The following CUX1 variants were observed in gnomAD, a reference collection of about 807,000 sequenced individuals.
CUX1 encodes protein CASP.
A neutral mutation model predicts 158.8 loss-of-function variants in CUX1; 31 were observed. The observed-to-expected ratio is 0.20, with a 90% CI of 0.15 to 0.26. The LOEUF is 0.26. Among genes scored for constraint, CUX1 ranks in the 10% least tolerant of loss-of-function variants. The probability of loss-of-function intolerance (pLI) is 1.00; values close to 1 mark genes in which losing one functional copy is unlikely to be tolerated. For missense variants in CUX1, 1,589 were observed against 2,014.6 expected (o/e 0.79, Z 4.04); for synonymous variants, 879 against 862.1 (o/e 1.02, Z -0.34).
At chr7:101,961,210 T>TGG (rs1810446115) in intron 2 of CUX1, 3 of 152,176 alleles carry the variant, frequency 2.0e-5, no homozygotes, top group Non-Finnish European at 4.4e-5. Flanking sequence ...AGAGATTCCA[T>TGG]CTGTGTGTCC....
chr7:102,177,431 A>G (rs1262145968), intron 10 of CUX1, among the ~76,000 whole-genome samples: 1 of 149,534 alleles, frequency 6.7e-6, no homozygotes, highest in Non-Finnish European at 1.5e-5. Context: ...AAAAAAAAAG[A>G]AAAGAAAAAG....
chr7:102,009,253 C>T (rs1817718521), intron 2 of CUX1, among the ~76,000 whole-genome samples: 2 of 152,178 alleles, frequency 1.3e-5, no homozygotes, highest in Non-Finnish European at 2.9e-5. Flanking sequence ...TGTTTGGAAG[C>T]ATCTAGAAGC....
chr7:101,947,302 G>A (rs1386188708), intron 2 of CUX1, among the ~76,000 whole-genome samples: 1 of 152,188 alleles, frequency 6.6e-6, no homozygotes, highest in Non-Finnish European at 1.5e-5. Flanking sequence ...GCTGAGGCAG[G>A]AGGATTGCTT....
chr7:102,104,465 C>G lies in CUX1; in HGVS notation c.530+6C>G. 6.2e-7 allele frequency: 1 copy of G among 1,612,442 alleles called. No individual in the cohort carries two copies. The highest frequency in any genetic ancestry group is 8.5e-7 in the Non-Finnish European group (1 of 1,179,436). ...GACTTTGCAGAAAAGGAGAGGTGAGCATGACTTCCAGGCACACACAGACTG... is the reference window on the plus strand; with the variant it reads ...GACTTTGCAGAAAAGGAGAGGTGAGGATGACTTCCAGGCACACACAGACTG... On this transcript the variant is annotated splice_donor_region_variant and intron_variant, in intron 6 of 23. Coordinates refer to ENST00000292535, the MANE Select transcript of CUX1 (RefSeq NM_181552.4).
At chr7:102,112,432 G>A (rs1305612212) in intron 7 of CUX1, among the ~76,000 whole-genome samples, 1 of 151,950 alleles carries the variant, frequency 6.6e-6, no homozygotes, top group East Asian at 1.9e-4. Flanking sequence ...TAGTAGAGAC[G>A]AGGTTTCATC....
At chr7:102,097,590 C>A in intron 5 of CUX1, 89 bp downstream of exon 5, 2 of 1,351,464 alleles carry the variant, frequency 1.5e-6, no homozygotes, top group Non-Finnish European at 2.0e-6. Flanking sequence ...ACTTTTGAGA[C>A]CAGCTCTCCT....
chr7:102,104,586 A>G (rs1830140853), intron 6 of CUX1, 127 bp downstream of exon 6: 2 of 1,245,106 alleles, frequency 1.6e-6, no homozygotes, highest in South Asian at 1.4e-5. Flanking sequence ...TATAAGGGGT[A>G]AAATGTTTCA....
At position 102,250,493 on chromosome 7, in the gene CUX1, G is replaced by A. The variant is rs1395750560; in HGVS notation, c.*1451G>A. The A allele has an allele frequency of 6.1e-6, 6 of 985,346 alleles. No homozygotes were observed. Among genetic ancestry groups the A allele is most frequent in the Non-Finnish European group, 7.2e-6 (6 of 829,992 alleles). 61.0% of individuals were successfully genotyped at this position (985,346 alleles called of 1,614,324 possible). A position where few individuals can be genotyped will look rare whatever the true frequency, so the allele number is the denominator to read the frequency against. On this transcript the variant is annotated 3_prime_UTR_variant, in exon 24 of 24. Transcript: ENST00000292535. ...CTTTCCCTTTTTCTTCCCACCGCAAGCACTGATGACCCTGTTGAACTCGTG... is the reference window on the plus strand; with the variant it reads ...CTTTCCCTTTTTCTTCCCACCGCAAACACTGATGACCCTGTTGAACTCGTG...
rs535433695 is a variant in CUX1, at chr7:102,251,232, CTTTT to C, written c.*2197_*2200del. On this transcript the variant is annotated 3_prime_UTR_variant, in exon 24 of 24. Transcript: ENST00000292535. ...TATTTCTTAAGTTTAATTAATATTA[CTTTT>C]TTTTTTATTTGGGGGGTGGGAGGGA... 12 of 717,444 alleles carry C rather than the reference CTTTT, an allele frequency of 1.7e-5. No homozygotes were observed. Among genetic ancestry groups the C allele is most frequent in the African/African-American group, 5.0e-5 (2 of 40,348 alleles). The allele number at this position is 717,444 out of a possible 1,614,324, so 44.4% of individuals were successfully genotyped here.
chr7:102,118,535 T>TA (rs1230902208), intron 8 of CUX1, among the ~76,000 whole-genome samples: 18 of 150,540 alleles, frequency 1.2e-4, no homozygotes, highest in East Asian at 3.9e-4. Context: ...AGACCCTGTC[T>TA]AAAAAAAAAG....
At chr7:101,983,390 T>C (rs577098382) in intron 2 of CUX1, among the ~76,000 whole-genome samples, 11 of 152,136 alleles carry the variant, frequency 7.2e-5, no homozygotes, top group African/African-American at 2.6e-4. Context: ...CACCAGTGGT[T>C]CCTCCCTCGG....
chr7:101,844,262 G>C (rs1381585426), intron 1 of CUX1, among the ~76,000 whole-genome samples: 1 of 132,962 alleles, frequency 7.5e-6, no homozygotes, highest in Non-Finnish European at 1.5e-5. Flanking sequence ...CGTTGTCCAC[G>C]GGAATAAAGT....
chr7:101,889,940 TA>T (rs1200551815), intron 1 of CUX1, among the ~76,000 whole-genome samples: 1 of 152,200 alleles, frequency 6.6e-6, no homozygotes, highest in East Asian at 1.9e-4. Flanking sequence ...GTTTTCTGGA[TA>T]ACTAAGCTTT....
intron 1 of CUX1, among the ~76,000 whole-genome samples, chr7:101,823,728 A>G (rs1245499718): frequency 6.6e-6 from 1 of 152,254 alleles, no homozygotes; most frequent in Non-Finnish European, 1.5e-5. Context: ...CAAGTAAACC[A>G]TGGGTTATGA....
At chr7:102,082,789 T>G (rs533911742) in intron 4 of CUX1, among the ~76,000 whole-genome samples, 2 of 147,762 alleles carry the variant, frequency 1.4e-5, no homozygotes, top group African/African-American at 2.4e-5. Context: ...TCATTAGTCC[T>G]TTCCTTTTTA....
At chr7:102,213,346 G>A (rs1220709254) in intron 20 of CUX1, among the ~76,000 whole-genome samples, 1 of 152,194 alleles carries the variant, frequency 6.6e-6, no homozygotes, top group Non-Finnish European at 1.5e-5. Flanking sequence ...CCTTAAAGTG[G>A]ACACAAAACC....
chr7:102,157,154 G>A lies in CUX1; in HGVS notation c.675-1406G>A, dbSNP rs570736823. Reference sequence around the variant, plus strand: ...GAGAAAGAGTGGCGGGTAAGGCCAAGAGGAGGAAGGAGCCTTGGCATGGAA... The same window carrying A: ...GAGAAAGAGTGGCGGGTAAGGCCAAAAGGAGGAAGGAGCCTTGGCATGGAA... On this transcript the variant is annotated intron_variant, in intron 8 of 23. Coordinates refer to ENST00000292535, the MANE Select transcript of CUX1 (RefSeq NM_181552.4). Among the ~76,000 whole-genome samples, 10 of 152,142 alleles carry A rather than the reference G, an allele frequency of 6.6e-5. No homozygotes were observed. In the South Asian group the frequency reaches 2.1e-3, roughly 32 times the overall value.
intron 1 of CUX1, among the ~76,000 whole-genome samples, chr7:101,843,613 C>T (rs977945612): frequency 1.1e-4 from 16 of 151,324 alleles, no homozygotes; most frequent in African/African-American, 3.9e-4. Flanking sequence ...TTTTTAAATT[C>T]ACTTACTTGT....
At chr7:102,269,048 C>T (rs543055655) in intron 14 of CUX1, among the ~76,000 whole-genome samples, 13 of 152,018 alleles carry the variant, frequency 8.6e-5, no homozygotes, top group South Asian at 2.1e-4. Context: ...GTGATCCTCC[C>T]ATCTCAGCCT....
Sources: allele counts gnomAD v4.1 joint callset (sites outside exome capture counted in the v4.1 genomes callset), GRCh38; gene constraint gnomAD v4.1.1; transcripts MANE v1.5; gene names NCBI Gene and HGNC (gene_info 2026-07-23, HGNC 2026-07-21).